UBA2: variants seen among roughly 807,000 people sequenced by gnomAD.
UBA2 encodes the protein SUMO-activating enzyme subunit 2.
In UBA2, 11 loss-of-function variants were observed where a neutral mutation model predicts 77.2. The ratio of observed to expected loss-of-function variants is 0.14; its 90% confidence interval spans 0.09 to 0.24. UBA2 has a LOEUF of 0.24. Ranked by LOEUF, UBA2 falls within the 10% of genes least tolerant of loss-of-function variation. The pLI is 1.00. For missense variants in UBA2, 487 were observed against 781.7 expected, an observed-to-expected ratio of 0.62 and a Z score of 4.50; for synonymous variants, 278 against 276.7, an observed-to-expected ratio of 1.00 and a Z score of -0.05.
At chr19:34,436,062 G>A (rs958101127) in intron 5 of UBA2, among the ~76,000 whole-genome samples, 1 of 148,052 alleles carries the variant, frequency 6.8e-6, no homozygotes, top group Non-Finnish European at 1.5e-5. Flanking sequence ...GGAGGTTGCG[G>A]TGAGCTGAGA....
chr19:34,458,558 CAAAAAAAAAAAAAAAAAAAA>C (rs60349858), intron 12 of UBA2, among the ~76,000 whole-genome samples, 191 bp from the exon 13 acceptor site: 16 of 60,634 alleles, frequency 2.6e-4, no homozygotes, highest in African/African-American at 1.1e-3. Flanking sequence ...GACTCCGTCT[CAAAAAAAAAAAAAAAAAAAA>C]AAAAAAAAAA....
chr19:34,468,057 T>C (rs2075706176), intron 16 of UBA2, among the ~76,000 whole-genome samples: 2 of 152,238 alleles, frequency 1.3e-5, no homozygotes, highest in South Asian at 4.1e-4. Context: ...TTCCCCTGGA[T>C]TTTCAGTGCT....
chr19:34,446,584 T>C (rs1376794863), intron 8 of UBA2, among the ~76,000 whole-genome samples: 1 of 152,026 alleles, frequency 6.6e-6, no homozygotes, highest in Non-Finnish European at 1.5e-5. Flanking sequence ...TGGTAACAGA[T>C]GTCACATGTT....
At chr19:34,434,214 T>TGA (rs2075285842) in intron 4 of UBA2, among the ~76,000 whole-genome samples, 1 of 152,164 alleles carries the variant, frequency 6.6e-6, no homozygotes, top group African/African-American at 2.4e-5. Context: ...TGGGCTCAGG[T>TGA]GATACTCTTA....
chr19:34,449,458 G>A (rs1317929796), intron 8 of UBA2, among the ~76,000 whole-genome samples: 1 of 152,060 alleles, frequency 6.6e-6, no homozygotes, highest in African/African-American at 2.4e-5. Context: ...GATTAAGGAT[G>A]CTCAGTTAGT....
chr19:34,465,014 G>T (rs2075672698), intron 15 of UBA2, among the ~76,000 whole-genome samples: 1 of 152,122 alleles, frequency 6.6e-6, no homozygotes. Flanking sequence ...CTCCAGGCTG[G>T]GTGACAAGAG....
chr19:34,434,067 C>T (rs1413479904), intron 4 of UBA2, among the ~76,000 whole-genome samples: 3 of 152,136 alleles, frequency 2.0e-5, no homozygotes, highest in Non-Finnish European at 4.4e-5. Flanking sequence ...GAGTTTACAA[C>T]AAGTTGGGCC....
chr19:34,467,533 G>A (rs1036930702), intron 16 of UBA2, among the ~76,000 whole-genome samples: 2 of 151,768 alleles, frequency 1.3e-5, no homozygotes, highest in African/African-American at 4.8e-5. Flanking sequence ...CCAACGCTTT[G>A]GGAGGCCGAG....
chr19:34,464,178 A>G (rs1225000153), intron 15 of UBA2, 47 bp downstream of exon 15: 10 of 1,271,534 alleles, frequency 7.9e-6, no homozygotes, highest in South Asian at 7.4e-5. Flanking sequence ...TTGAATATAT[A>G]AACTTTAGAC....
Position 34,434,899 on chromosome 19 carries a change from G to T in UBA2, c.390G>T (p.Leu130=). ...AARNHVNRMC[L]AADVPLIESG... ...GAAACCATGTTAATAGAATGTGCCT[G>T]GCAGCTGATGTTCCTCTTATTGAAA... The change falls in exon 5 of 17, where the codon CTG becomes CTT. Residue 130 remains leucine (L), a synonymous_variant. Coordinates refer to ENST00000246548, the MANE Select transcript of UBA2 (RefSeq NM_005499.3). The T allele has an allele frequency of 6.2e-7, 1 of 1,608,396 alleles. No homozygotes were observed. The highest frequency in any genetic ancestry group is 1.1e-5 in the South Asian group (1 of 90,104).
intron 6 of UBA2, among the ~76,000 whole-genome samples, chr19:34,443,043 C>T (rs2075387600): frequency 6.6e-6 from 1 of 152,142 alleles, no homozygotes; most frequent in Admixed American, 6.6e-5. Flanking sequence ...AAGAGAATCT[C>T]AGCTTAATAC....
chr19:34,440,037 C>G (rs557196179), intron 6 of UBA2, among the ~76,000 whole-genome samples: 1 of 152,060 alleles, frequency 6.6e-6, no homozygotes, highest in South Asian at 2.1e-4. Context: ...TAAAAACTTA[C>G]TAAGTGCCCA....
chr19:34,464,885 G>A (rs2075671316), intron 15 of UBA2, among the ~76,000 whole-genome samples: 1 of 152,150 alleles, frequency 6.6e-6, no homozygotes, highest in African/African-American at 2.4e-5. Context: ...CGAGGCGGGT[G>A]GATCACCTGA....
chr19:34,446,554 A>G (rs1005047467), intron 8 of UBA2, among the ~76,000 whole-genome samples: 10 of 147,102 alleles, frequency 6.8e-5, no homozygotes, highest in Non-Finnish European at 1.2e-4. Context: ...CCCAGCTTGT[A>G]TTTCGTCTTA....
intron 1 of UBA2, chr19:34,429,209 C>T (rs1483461387): frequency 2.0e-6 from 2 of 985,268 alleles, no homozygotes; most frequent in African/African-American, 1.7e-5. Flanking sequence ...ACTGTCATTG[C>T]TCTCACAGTA....
At position 34,460,451 on chromosome 19, in the gene UBA2, CTTTTT is replaced by C; in HGVS notation, c.1402-9_1402-5del. 4.8e-6 allele frequency: 6 copies of C among 1,241,124 alleles called. No individual in the cohort carries two copies. The highest frequency in any genetic ancestry group is 5.6e-6 in the Non-Finnish European group (5 of 892,770). 76.9% of individuals were successfully genotyped at this position (1,241,124 alleles called of 1,614,324 possible). A position where few individuals can be genotyped will look rare whatever the true frequency, so the allele number is the denominator to read the frequency against. On this transcript the variant is annotated splice_polypyrimidine_tract_variant and intron_variant, in intron 13 of 16. Transcript: ENST00000246548. Reference sequence around the variant, plus strand: ...ATTACCTACGTTAATATTTTGAATCCTTTTTTTTTTTTTTGTAGATAGTGAAAGAA... The same window carrying C: ...ATTACCTACGTTAATATTTTGAATCCTTTTTTTTTGTAGATAGTGAAAGAA...
intron 1 of UBA2, 80 bp downstream of exon 1, chr19:34,428,650 T>C: frequency 9.7e-7 from 1 of 1,033,282 alleles, no homozygotes. Flanking sequence ...CTCCAGGGGC[T>C]CTGAGGCTCA....
At chr19:34,444,033 G>GTTTTTTTTTATTTT (rs2075398797) in intron 7 of UBA2, 122 bp downstream of exon 7, 1 of 201,558 alleles carries the variant, frequency 5.0e-6, no homozygotes, top group Non-Finnish European at 8.9e-6. Flanking sequence ...TTTAACATGT[G>GTTTTTTTTTATTTT]TTTTTTTTTT....
intron 15 of UBA2, among the ~76,000 whole-genome samples, chr19:34,466,669 G>A (rs2075691252): frequency 6.6e-6 from 1 of 152,020 alleles, no homozygotes; most frequent in Admixed American, 6.6e-5. Context: ...CAAGGTGGGA[G>A]GATGGCTTGA....
Sources: allele counts gnomAD v4.1 joint callset (sites outside exome capture counted in the v4.1 genomes callset), GRCh38; gene constraint gnomAD v4.1.1; transcripts MANE v1.5; gene names NCBI Gene and HGNC (gene_info 2026-07-23, HGNC 2026-07-21).